Variants in DNAH7 observed in about 807,000 individuals in gnomAD.
The protein encoded by DNAH7 is dynein axonemal heavy chain 7, also known as axonemal beta dynein heavy chain 7.
DNAH7 carries 397 observed loss-of-function variants against 444.6 expected under a neutral mutation model. The ratio of observed to expected loss-of-function variants is 0.89; its 90% CI spans 0.82 to 0.97. DNAH7 has a LOEUF of 0.97. DNAH7 is among the 50% of genes least tolerant of loss of function. The pLI, the probability that DNAH7 is intolerant of heterozygous loss-of-function variation, is 0.00. For synonymous variants in DNAH7, 1,636 were observed against 1,624.4 expected (o/e 1.01, Z -0.17); for missense variants, 4,902 against 4,800.8 (o/e 1.02, Z -0.62).
chr2:195,816,742 G>A lies in DNAH7; in HGVS notation c.9647C>T (p.Ser3216Phe). ...IAIHSSILFF[S>F]LADLANIEPM... ...CTCAATGTTGGCTAAATCAGCAAGA[G>A]AAAAAAATAGGATGGAAGAATGGAT... Residue 3216 changes from serine (S) to phenylalanine (F), a missense_variant, in exon 51 of 65, where the codon TCT (serine) becomes TTT (phenylalanine). By Grantham distance (155) the Ser-to-Phe change is radical. Coordinates refer to ENST00000312428, the MANE Select transcript of DNAH7 (RefSeq NM_018897.3). 2 of 1,614,130 alleles carry A rather than the reference G, an allele frequency of 1.2e-6. No homozygotes were observed. The highest frequency in any genetic ancestry group is 1.7e-6 in the Non-Finnish European group (2 of 1,179,996).
chr2:195,951,597 T>G (rs1185911208), intron 19 of DNAH7, among the ~76,000 whole-genome samples: 4 of 152,172 alleles, frequency 2.6e-5, no homozygotes, highest in Non-Finnish European at 4.4e-5. Flanking sequence ...CTCTAAGAAC[T>G]TGCTTTATGA....
chr2:195,779,279 G>GA (rs1219536396), intron 58 of DNAH7, among the ~76,000 whole-genome samples: 2 of 152,036 alleles, frequency 1.3e-5, no homozygotes, highest in Non-Finnish European at 2.9e-5. Flanking sequence ...TTAGTGTGCT[G>GA]AATCATGTTC....
At chr2:196,014,273 G>T (rs576501083) in intron 9 of DNAH7, among the ~76,000 whole-genome samples, 1 of 152,210 alleles carries the variant, frequency 6.6e-6, no homozygotes, top group South Asian at 2.1e-4. Flanking sequence ...TACTCACTAT[G>T]CATTAGCTTC....
At chr2:196,061,927 T>C (rs1030705836) in intron 1 of DNAH7, among the ~76,000 whole-genome samples, 1 of 152,218 alleles carries the variant, frequency 6.6e-6, no homozygotes, top group Non-Finnish European at 1.5e-5. Flanking sequence ...CTTCTACTCT[T>C]GGTCATCAGT....
chr2:195,925,810 A>G (rs1359946465), intron 22 of DNAH7, among the ~76,000 whole-genome samples: 1 of 152,180 alleles, frequency 6.6e-6, no homozygotes, highest in Non-Finnish European at 1.5e-5. Flanking sequence ...AGTCAACTGA[A>G]AGCTGACTCA....
chr2:195,934,799 A>G lies in DNAH7; in HGVS notation c.3273-10T>C. On this transcript the variant is annotated splice_polypyrimidine_tract_variant and intron_variant, in intron 20 of 64. Transcript: ENST00000312428. ...CAAGTGAGGTTGCACCCTGTCAGGA[A>G]AAACATTTTTAAGATAATTAACCAA... The G allele has an allele frequency of 6.2e-7, 1 of 1,613,808 alleles. No homozygotes were observed. Among genetic ancestry groups the G allele is most frequent in the Non-Finnish European group, 8.5e-7 (1 of 1,179,864 alleles).
At chr2:196,031,869 T>C (rs558141597) in intron 5 of DNAH7, among the ~76,000 whole-genome samples, 67 of 152,310 alleles carry the variant, frequency 4.4e-4, no homozygotes, top group Middle Eastern at 6.8e-3. Flanking sequence ...TTCCTATCTT[T>C]TTCTGAGCCT....
intron 47 of DNAH7, 76 bp from the exon 48 acceptor site, chr2:195,834,436 G>C: frequency 9.2e-6 from 13 of 1,412,888 alleles, no homozygotes; most frequent in Non-Finnish European, 1.1e-5. Context: ...TCACATCACA[G>C]GTCACTTTTT....
chr2:195,943,571 T>C (rs1000813150), intron 19 of DNAH7, among the ~76,000 whole-genome samples: 1 of 152,090 alleles, frequency 6.6e-6, no homozygotes, highest in African/African-American at 2.4e-5. Flanking sequence ...ATCAGAAGCA[T>C]TATGTTAATT....
At chr2:195,805,411 A>G (rs1326958292) in intron 54 of DNAH7, among the ~76,000 whole-genome samples, 1 of 152,178 alleles carries the variant, frequency 6.6e-6, no homozygotes, top group Admixed American at 6.5e-5. Context: ...AGCATCTCAT[A>G]TTCTCCCATC....
intron 64 of DNAH7, among the ~76,000 whole-genome samples, chr2:195,738,357 TTATC>T (rs1692780563): frequency 6.6e-6 from 1 of 152,158 alleles, no homozygotes; most frequent in African/African-American, 2.4e-5. Context: ...TTCTACCTAT[TTATC>T]TCTCACTCAG....
chr2:195,834,120 T>G, intron 48 of DNAH7, 86 bp downstream of exon 48: 4 of 1,341,182 alleles, frequency 3.0e-6, no homozygotes, highest in Non-Finnish European at 4.0e-6. Context: ...GGTGGGAGGA[T>G]CGCTTGAAAC....
chr2:195,915,979 T>C (rs921693538), intron 24 of DNAH7, among the ~76,000 whole-genome samples: 1 of 152,172 alleles, frequency 6.6e-6, no homozygotes, highest in Non-Finnish European at 1.5e-5. Context: ...GGAAGAAAAA[T>C]GTAGATTCCA....
At chr2:195,788,560 T>C (rs1020951470) in intron 57 of DNAH7, among the ~76,000 whole-genome samples, 1 of 152,124 alleles carries the variant, frequency 6.6e-6, no homozygotes, top group Non-Finnish European at 1.5e-5. Context: ...AGAATAACTT[T>C]GAAAGGTAGA....
intron 28 of DNAH7, among the ~76,000 whole-genome samples, chr2:195,898,440 T>C (rs1686472104): frequency 6.6e-6 from 1 of 152,248 alleles, no homozygotes; most frequent in African/African-American, 2.4e-5. Context: ...GTCAAAATTT[T>C]AGCATTTCAT....
intron 48 of DNAH7, among the ~76,000 whole-genome samples, chr2:195,827,708 A>G (rs897488644): frequency 6.6e-6 from 1 of 151,464 alleles, no homozygotes; most frequent in Non-Finnish European, 1.5e-5. Context: ...AACCTCACAT[A>G]GGTGGAACTA....
intron 19 of DNAH7, among the ~76,000 whole-genome samples, chr2:195,954,790 A>AT (rs1312173626): frequency 1.3e-5 from 2 of 152,116 alleles, no homozygotes; most frequent in African/African-American, 2.4e-5. Context: ...GATGATGAGC[A>AT]TTTTTTCATG....
intron 11 of DNAH7, 29 bp from the exon 12 acceptor site, chr2:196,000,912 T>A (rs761495315): frequency 1.3e-6 from 2 of 1,520,256 alleles, no homozygotes; most frequent in Non-Finnish European, 1.8e-6. Context: ...TTTACATACA[T>A]AAATATGTAT....
At chr2:195,814,512 A>T (rs894449239) in intron 51 of DNAH7, among the ~76,000 whole-genome samples, 1 of 152,166 alleles carries the variant, frequency 6.6e-6, no homozygotes, top group Non-Finnish European at 1.5e-5. Flanking sequence ...AAAGCATAGG[A>T]TTGTTTGAAT....
Sources: allele counts gnomAD v4.1 joint callset (sites outside exome capture counted in the v4.1 genomes callset), GRCh38; gene constraint gnomAD v4.1.1; transcripts MANE v1.5; gene names NCBI Gene and HGNC (gene_info 2026-07-23, HGNC 2026-07-21).